The following SHISAL1 variants were observed in gnomAD, a reference collection of about 807,000 sequenced individuals.
SHISAL1 encodes the protein shisa like 1.
Under a neutral mutation model 22.6 loss-of-function variants are expected in SHISAL1, and 9 were observed. The observed-to-expected ratio is 0.40, with a 90% CI of 0.24 to 0.70. The LOEUF (loss-of-function observed/expected upper bound fraction) is 0.70, where lower values mean the gene tolerates loss of function less well. Ranked by LOEUF, SHISAL1 falls within the 30% of genes least tolerant of loss-of-function variation. SHISAL1 has a pLI of 0.39. For synonymous variants in SHISAL1, 119 were observed against 115.4 expected (o/e 1.03, Z -0.20); for missense variants, 246 against 270.6 (o/e 0.91, Z 0.64).
At chr22:44,285,330 C>A in intron 4 of SHISAL1, 98 bp downstream of exon 4, 4 of 1,318,690 alleles carry the variant, frequency 3.0e-6, no homozygotes, top group Non-Finnish European at 4.3e-6. Flanking sequence ...ATCAGGCAAC[C>A]AATGAGCCAA....
At chr22:44,309,927 C>G (rs1384927739) in intron 1 of SHISAL1, among the ~76,000 whole-genome samples, 2 of 152,218 alleles carry the variant, frequency 1.3e-5, no homozygotes, top group South Asian at 4.1e-4. Context: ...TCTTTGTGAC[C>G]CCTTCATGCT....
intron 4 of SHISAL1, among the ~76,000 whole-genome samples, chr22:44,275,729 C>T (rs1028405452): frequency 4.6e-5 from 7 of 152,186 alleles, no homozygotes; most frequent in Non-Finnish European, 8.8e-5. Context: ...AATCTCTCTC[C>T]GAGCCTTGGT....
At position 44,255,188 on chromosome 22, in the gene SHISAL1, A is replaced by G. The variant is rs972998020; in HGVS notation, c.*-5503T>C. ...CTAAACACTGTATGTTGATATATAT[A>G]TATTTTTTTTGAGATGGAGTCGGAG... On this transcript the variant is annotated intron_variant, in intron 4 of 4. Transcript: ENST00000381176. Among the ~76,000 whole-genome samples, 10 of 152,128 alleles carry G rather than the reference A, an allele frequency of 6.6e-5. 1 individual carries two copies. Among genetic ancestry groups the G allele is most frequent in the Admixed American group, 4.6e-4 (7 of 15,274 alleles).
At chr22:44,306,573 G>A (rs1601806102) in intron 1 of SHISAL1, among the ~76,000 whole-genome samples, 1 of 39,646 alleles carries the variant, frequency 2.5e-5, no homozygotes, top group African/African-American at 7.0e-5. Flanking sequence ...TGAGCTCGGG[G>A]AGCTGTGATG....
At chr22:44,269,207 T>C (rs2055187485) in intron 4 of SHISAL1, among the ~76,000 whole-genome samples, 2 of 145,944 alleles carry the variant, frequency 1.4e-5, no homozygotes, top group South Asian at 4.3e-4. Flanking sequence ...ACCCTCACAA[T>C]ATATACACAC....
At chr22:44,251,240 T>C (rs2147266417) in intron 4 of SHISAL1, among the ~76,000 whole-genome samples, 1 of 152,338 alleles carries the variant, frequency 6.6e-6, no homozygotes. Flanking sequence ...TGGCATACTG[T>C]AGGGGCTTAA....
At chr22:44,289,315 C>T (rs1324964090) in intron 3 of SHISAL1, among the ~76,000 whole-genome samples, 1 of 152,146 alleles carries the variant, frequency 6.6e-6, no homozygotes, top group African/African-American at 2.4e-5. Context: ...TGGGGGAATT[C>T]CATGGTTTAA....
intron 4 of SHISAL1, among the ~76,000 whole-genome samples, chr22:44,277,772 T>C (rs998466969): frequency 9.2e-5 from 14 of 152,204 alleles, no homozygotes; most frequent in Admixed American, 7.2e-4. Flanking sequence ...GGCCACCGCC[T>C]GCTCCTTGGA....
chr22:44,288,304 A>C (rs554789387), intron 3 of SHISAL1, among the ~76,000 whole-genome samples: 2 of 152,268 alleles, frequency 1.3e-5, no homozygotes, highest in East Asian at 3.9e-4. Context: ...ACTATAGCAC[A>C]CTGCCTTGGC....
At chr22:44,307,514 G>C (rs1412661034) in intron 1 of SHISAL1, among the ~76,000 whole-genome samples, 1 of 152,160 alleles carries the variant, frequency 6.6e-6, no homozygotes, top group Non-Finnish European at 1.5e-5. Flanking sequence ...ATCCTCCCGG[G>C]TTCTATTTCT....
intron 3 of SHISAL1, among the ~76,000 whole-genome samples, chr22:44,287,403 T>G (rs544269539): frequency 1.3e-5 from 2 of 152,204 alleles, no homozygotes; most frequent in Non-Finnish European, 2.9e-5. Context: ...GGCCTGAAGA[T>G]GCTGCTCGGG....
At chr22:44,282,798 A>G (rs1384377105) in intron 4 of SHISAL1, among the ~76,000 whole-genome samples, 1 of 151,932 alleles carries the variant, frequency 6.6e-6, no homozygotes, top group East Asian at 1.9e-4. Flanking sequence ...CCTGGTCCAC[A>G]CTCCTTGCCT....
At chr22:44,260,915 T>C (rs954646737) in intron 4 of SHISAL1, among the ~76,000 whole-genome samples, 8 of 151,868 alleles carry the variant, frequency 5.3e-5, no homozygotes, top group Non-Finnish European at 7.4e-5. Context: ...CTTCGGTCAC[T>C]CCCTGGGGAT....
At chr22:44,269,304 C>T (rs1324705912) in intron 4 of SHISAL1, among the ~76,000 whole-genome samples, 1 of 135,046 alleles carries the variant, frequency 7.4e-6, no homozygotes, top group Non-Finnish European at 1.5e-5. Flanking sequence ...ATGCCACACA[C>T]CATACTGCAC....
At chr22:44,285,798 G>A in intron 3 of SHISAL1, 53 bp from the exon 4 acceptor site, 1 of 1,463,946 alleles carries the variant, frequency 6.8e-7, no homozygotes, top group African/African-American at 1.4e-5. Context: ...GTCCAGCTCA[G>A]GCCGGCTTCA....
At chr22:44,263,213 G>A (rs1167601667) in intron 4 of SHISAL1, among the ~76,000 whole-genome samples, 2 of 150,814 alleles carry the variant, frequency 1.3e-5, no homozygotes, top group Non-Finnish European at 2.9e-5. Flanking sequence ...TAGGATTACA[G>A]GCACCCACCA....
chr22:44,259,518 C>T (rs959209525), intron 4 of SHISAL1, among the ~76,000 whole-genome samples: 1 of 147,222 alleles, frequency 6.8e-6, no homozygotes, highest in Non-Finnish European at 1.5e-5. Context: ...AGCTGGGAAA[C>T]AGCAGGATGG....
chr22:44,280,498 C>A (rs2055268700), intron 4 of SHISAL1, among the ~76,000 whole-genome samples: 1 of 152,172 alleles, frequency 6.6e-6, no homozygotes, highest in Non-Finnish European at 1.5e-5. Context: ...TAAAGTCAAG[C>A]ACTAACCGTG....
chr22:44,321,188 CA>C, the SHISAL1 span, among the ~76,000 whole-genome samples: 1 of 152,134 alleles, frequency 6.6e-6, no homozygotes, highest in Admixed American at 6.5e-5. Context: ...GGGTAATGTC[CA>C]AACCCAGTAA....
Sources: allele counts gnomAD v4.1 joint callset (sites outside exome capture counted in the v4.1 genomes callset), GRCh38; gene constraint gnomAD v4.1.1; transcripts MANE v1.5; gene names NCBI Gene and HGNC (gene_info 2026-07-23, HGNC 2026-07-21).